TM6SF1: variants seen among roughly 807,000 people sequenced by gnomAD.
TM6SF1 encodes transmembrane 6 superfamily member 1.
In TM6SF1, 43 loss-of-function variants were observed where a neutral mutation model predicts 47.1. The observed-to-expected ratio is 0.91, with a 90% CI of 0.72 to 1.18. The LOEUF (loss-of-function observed/expected upper bound fraction) is 1.18. Among genes scored for constraint, TM6SF1 ranks in the 50% most tolerant of loss-of-function variants. The pLI, the probability that TM6SF1 is intolerant of heterozygous loss-of-function variation, is 0.00. For missense variants in TM6SF1, 390 were observed against 449.0 expected, an observed-to-expected ratio of 0.87 and a Z score of 1.19; for synonymous variants, 177 against 166.3, an observed-to-expected ratio of 1.06 and a Z score of -0.49.
rs748007195 is a variant in TM6SF1, at chr15:83,126,847, G to C, written c.801G>C (p.Gln267His). ...ATCCTGCTGCTTATCCTAAAATTCA[G>C]GTCAAGTAGTTATGAAGCCTAAGAT... ...LKDPAAYPKIQMLAYMFYSVP... is the reference protein window; with the variant it reads ...LKDPAAYPKIHMLAYMFYSVP... Residue 267 changes from glutamine to histidine, a missense_variant and splice_region_variant, in exon 8 of 10, where the codon CAG (glutamine) becomes CAC (histidine). Gln to His is a conservative substitution (Grantham distance 24, BLOSUM62 0). Coordinates refer to ENST00000322019, the MANE Select transcript of TM6SF1 (RefSeq NM_023003.5). 6.8e-6 allele frequency: 11 copies of C among 1,607,182 alleles called. No individual in the cohort carries two copies. In the Admixed American group the frequency reaches 1.9e-4, roughly 27 times the overall value.
intron 1 of TM6SF1, chr15:83,111,556 C>A: frequency 1.1e-6 from 1 of 948,250 alleles, no homozygotes; most frequent in African/African-American, 1.8e-5. Flanking sequence ...TCCTTCTATT[C>A]TTATCTTTCT....
intron 9 of TM6SF1, chr15:83,133,973 CACAT>C (rs1298780565): frequency 5.9e-5 from 9 of 152,186 alleles, no homozygotes; most frequent in Non-Finnish European, 1.3e-4. Context: ...GTTCTTCTCT[CACAT>C]ACAAATGCCT....
chr15:83,109,869 C>T (rs2033989671), intron 1 of TM6SF1, among the ~76,000 whole-genome samples: 1 of 152,218 alleles, frequency 6.6e-6, no homozygotes, highest in South Asian at 2.1e-4. Flanking sequence ...CTATCGCAGA[C>T]TGTTGAAGCC....
chr15:83,108,590 GC>G (rs1229939903), intron 1 of TM6SF1, among the ~76,000 whole-genome samples: 13 of 152,214 alleles, frequency 8.5e-5, no homozygotes, highest in Non-Finnish European at 1.6e-4. Context: ...CTAACCTGCA[GC>G]CGGCAGCTGA....
intron 3 of TM6SF1, among the ~76,000 whole-genome samples, chr15:83,118,296 ATGGAAGGC>A (rs2034889357): frequency 6.6e-6 from 1 of 152,010 alleles, no homozygotes; most frequent in Non-Finnish European, 1.5e-5. Flanking sequence ...GAGAGGCAAG[ATGGAAGGC>A]TGGTTGAGGG....
intron 9 of TM6SF1, chr15:83,132,238 C>T (rs1567157621): frequency 6.6e-6 from 1 of 152,236 alleles, no homozygotes. Flanking sequence ...AGAAGATTCC[C>T]AGTAAGAATT....
intron 5 of TM6SF1, among the ~76,000 whole-genome samples, chr15:83,122,520 T>C (rs1186789882): frequency 2.0e-5 from 3 of 152,162 alleles, no homozygotes. Context: ...CTTGCAGTGG[T>C]ACAGCCATAG....
At chr15:83,122,916 C>T in intron 6 of TM6SF1, 38 bp downstream of exon 6, 2 of 1,608,564 alleles carry the variant, frequency 1.2e-6, no homozygotes, top group Non-Finnish European at 1.7e-6. Flanking sequence ...TGTTCTCAAA[C>T]TCATAGGGTT....
chr15:83,124,648 C>G (rs749696630), intron 6 of TM6SF1, 24 bp from the exon 7 acceptor site: 1 of 1,596,060 alleles, frequency 6.3e-7, no homozygotes, highest in Non-Finnish European at 8.6e-7. Flanking sequence ...TGGGCCTGCT[C>G]TTTAGGTACA....
intron 9 of TM6SF1, chr15:83,133,089 A>G (rs1019639862): frequency 1.3e-5 from 2 of 152,178 alleles, no homozygotes; most frequent in South Asian, 2.1e-4. Context: ...ATAACAACCT[A>G]TGAGGTGGGT....
intron 1 of TM6SF1, among the ~76,000 whole-genome samples, chr15:83,109,280 A>T (rs1478785347): frequency 6.6e-6 from 1 of 151,996 alleles, no homozygotes; most frequent in Non-Finnish European, 1.5e-5. Context: ...AGTGCAGGGG[A>T]AGGAATTGGA....
Position 83,126,806 on chromosome 15 carries a change from G to C in TM6SF1, c.760G>C (p.Glu254Gln). 1.2e-6 allele frequency: 2 copies of C among 1,614,028 alleles called. No homozygotes were observed. The highest frequency in any genetic ancestry group is 1.7e-6 in the Non-Finnish European group (2 of 1,179,954). The change falls in exon 8 of 10, where the codon GAG (glutamate) becomes CAG (glutamine). Residue 254 changes from glutamate (E) to glutamine (Q), a missense_variant. By Grantham distance (29) the Glu-to-Gln change is conservative. Coordinates refer to ENST00000322019, the MANE Select transcript of TM6SF1 (RefSeq NM_023003.5). ...CTGCCGATTATATACGCAATTTCAAGAGCCCTATCTAAAGGATCCTGCTGC... is the reference window on the plus strand; with the variant it reads ...CTGCCGATTATATACGCAATTTCAACAGCCCTATCTAAAGGATCCTGCTGC... Reference protein sequence around the residue: ...ELCRLYTQFQEPYLKDPAAYP... With the variant: ...ELCRLYTQFQQPYLKDPAAYP...
intron 1 of TM6SF1, among the ~76,000 whole-genome samples, chr15:83,110,918 G>A (rs913942776): frequency 6.6e-5 from 10 of 152,020 alleles, no homozygotes; most frequent in Non-Finnish European, 1.2e-4. Context: ...TCATCCAAGC[G>A]GGACTGCAGT....
At position 83,115,886 on chromosome 15, in the gene TM6SF1, A is replaced by G. The variant is rs1336264557; in HGVS notation, c.238A>G (p.Ile80Val). The change falls in exon 3 of 10, where the codon ATA becomes GTA. Residue 80 changes from isoleucine to valine, a missense_variant. Coordinates refer to ENST00000322019, the MANE Select transcript of TM6SF1 (RefSeq NM_023003.5). ...ATTTACCAGCGTGGTGAACCTCATC[A>G]TAGGACTGGAGCAAGATGGAATCAT... ...FGFTSVVNLI[I>V]GLEQDGIIDG... 2 of 1,614,074 alleles carry G rather than the reference A, an allele frequency of 1.2e-6. No homozygotes were observed. Among genetic ancestry groups the G allele is most frequent in the African/African-American group, 2.7e-5 (2 of 74,942 alleles).
In TM6SF1 at chr15:83,107,811, G is replaced by T. The variant is rs961795240; in HGVS notation, c.92+39G>T. 5 of 1,549,082 alleles carry T rather than the reference G, an allele frequency of 3.2e-6. No individual in the cohort carries two copies. In the African/African-American group the frequency reaches 4.3e-5, roughly 13 times the overall value. On this transcript the variant is annotated intron_variant, in intron 1 of 9. Transcript: ENST00000322019. The surrounding 1 kb of genome is among the most constrained non-coding windows in gnomAD (Gnocchi z 5.6). ...CGCGGCGGGGGTCGCGCCGAGGGGC[G>T]GCGGGAGTTGGCTCGCCGCGACGGG...
chr15:83,124,833 G>A, intron 7 of TM6SF1, 57 bp downstream of exon 7: 2 of 1,373,386 alleles, frequency 1.5e-6, no homozygotes. Flanking sequence ...ATTTCCAAAT[G>A]GAAAAAAACT....
At chr15:83,133,120 ATACGGC>A (rs2151384955) in intron 9 of TM6SF1, 1 of 152,374 alleles carries the variant, frequency 6.6e-6, no homozygotes, top group Non-Finnish European at 1.5e-5. Flanking sequence ...ACCCGAGGCC[ATACGGC>A]TGGTTTGTGG....
At chr15:83,122,321 C>T (rs2035335696) in intron 5 of TM6SF1, among the ~76,000 whole-genome samples, 2 of 151,560 alleles carry the variant, frequency 1.3e-5, no homozygotes, top group South Asian at 4.2e-4. Context: ...TCCTGACACA[C>T]TATGAGAACT....
In TM6SF1 at chr15:83,107,806, G is replaced by A. The variant is rs749611023; in HGVS notation, c.92+34G>A. The A allele has an allele frequency of 6.4e-7, 1 of 1,555,170 alleles. No homozygotes were observed. ...GCCGGCGCGGCGGGGGTCGCGCCGA[G>A]GGGCGGCGGGAGTTGGCTCGCCGCG... On this transcript the variant is annotated intron_variant, in intron 1 of 9. Transcript: ENST00000322019. This position sits in a 1 kb window ranked among gnomAD's most constrained non-coding sequence, Gnocchi z 5.6.
Sources: gnomAD v4.1 joint callset for allele counts (sites outside exome capture counted in the v4.1 genomes callset) on GRCh38, gnomAD v4.1.1 for gene constraint, Gnocchi (gnomAD v3.1) non-coding constraint, MANE v1.5 for transcripts, NCBI Gene and HGNC (gene_info 2026-07-23, HGNC 2026-07-21) for gene names.